Variants in ZCCHC7 observed in about 807,000 individuals in gnomAD.
ZCCHC7 encodes the protein zinc finger CCHC-type containing 7.
A neutral mutation model predicts 52.0 loss-of-function variants in ZCCHC7; 35 were observed. The observed-to-expected ratio is 0.67, with a 90% confidence interval of 0.51 to 0.89. ZCCHC7 has a LOEUF of 0.89. Among genes scored for constraint, ZCCHC7 ranks in the 40% least tolerant of loss-of-function variants. ZCCHC7 has a pLI of 0.00. For missense variants in ZCCHC7, 574 were observed against 649.1 expected (o/e 0.88, Z 1.26); for synonymous variants, 217 against 221.5 (o/e 0.98, Z 0.18).
chr9:37,257,389 TG>T (rs1826642263), intron 2 of ZCCHC7, among the ~76,000 whole-genome samples: 2 of 152,282 alleles, frequency 1.3e-5, no homozygotes, highest in South Asian at 4.1e-4. Flanking sequence ...CTTCCTATTT[TG>T]GGGTAGCATA....
At chr9:37,313,032 A>G (rs1829663268) in intron 5 of ZCCHC7, among the ~76,000 whole-genome samples, 1 of 152,202 alleles carries the variant, frequency 6.6e-6, no homozygotes. Context: ...CACTAGAATT[A>G]TATTATCGTG....
intron 2 of ZCCHC7, among the ~76,000 whole-genome samples, chr9:37,211,991 C>T (rs984871147): frequency 8.1e-6 from 1 of 123,438 alleles, no homozygotes; most frequent in African/African-American, 3.0e-5. Flanking sequence ...GGCGCCACTG[C>T]ACTCCAGCCT....
intron 5 of ZCCHC7, among the ~76,000 whole-genome samples, chr9:37,310,119 T>G (rs1829524546): frequency 2.6e-5 from 4 of 152,184 alleles, no homozygotes. Context: ...TGCTCATTGG[T>G]TAACTACTTC....
At chr9:37,206,985 T>A (rs1400359445) in intron 2 of ZCCHC7, among the ~76,000 whole-genome samples, 2 of 149,576 alleles carry the variant, frequency 1.3e-5, no homozygotes, top group African/African-American at 2.4e-5. Flanking sequence ...AAATCGTTGG[T>A]CATGGTGGTG....
At chr9:37,247,807 G>A (rs1181812001) in intron 2 of ZCCHC7, among the ~76,000 whole-genome samples, 1 of 152,002 alleles carries the variant, frequency 6.6e-6, no homozygotes, top group Non-Finnish European at 1.5e-5. Flanking sequence ...TCCCAACTAA[G>A]TAGTTCTCTG....
At chr9:37,339,342 A>G (rs1052594160) in intron 6 of ZCCHC7, among the ~76,000 whole-genome samples, 1 of 152,206 alleles carries the variant, frequency 6.6e-6, no homozygotes, top group Non-Finnish European at 1.5e-5. Context: ...CCTAGAGTTC[A>G]GGTCCCAGGT....
chr9:37,214,838 A>G (rs1411556020), intron 2 of ZCCHC7, among the ~76,000 whole-genome samples: 5 of 152,058 alleles, frequency 3.3e-5, no homozygotes, highest in African/African-American at 7.2e-5. Flanking sequence ...TTCAAGTCAT[A>G]TACTTTTTTG....
At chr9:37,150,966 G>GT (rs1316435254) in intron 2 of ZCCHC7, among the ~76,000 whole-genome samples, 2,006 of 130,498 alleles carry the variant, frequency 0.015, 28 homozygotes, top group African/African-American at 0.032. Flanking sequence ...GGGTTTTTTT[G>GT]TTTTTTTTTT....
intron 5 of ZCCHC7, among the ~76,000 whole-genome samples, chr9:37,309,012 T>C (rs1008294065): frequency 6.9e-6 from 1 of 145,918 alleles, no homozygotes; most frequent in Non-Finnish European, 1.5e-5. Context: ...CTGGGCAACA[T>C]AGTGAGAGCC....
intron 1 of ZCCHC7, among the ~76,000 whole-genome samples, 182 bp from the exon 2 acceptor site, chr9:37,126,130 G>A (rs892878590): frequency 6.6e-6 from 1 of 152,104 alleles, no homozygotes; most frequent in African/African-American, 2.4e-5. Context: ...GGGAGTGGTG[G>A]GACTTACAGG....
At chr9:37,268,418 A>G (rs77327272) in intron 2 of ZCCHC7, among the ~76,000 whole-genome samples, 2 of 151,090 alleles carry the variant, frequency 1.3e-5, no homozygotes, top group Admixed American at 1.3e-4. Context: ...AAAAAAAAAA[A>G]TAAGCAAAAT....
chr9:37,285,548 C>G (rs1021035960), intron 2 of ZCCHC7, among the ~76,000 whole-genome samples: 1 of 152,082 alleles, frequency 6.6e-6, no homozygotes, highest in African/African-American at 2.4e-5. Context: ...TCTAAGTATT[C>G]CATTTGGCCT....
At chr9:37,157,277 A>G (rs931251163) in intron 2 of ZCCHC7, among the ~76,000 whole-genome samples, 4 of 151,476 alleles carry the variant, frequency 2.6e-5, no homozygotes, top group Non-Finnish European at 5.9e-5. Context: ...AGGGAGGATG[A>G]CTTGAGCCCA....
chr9:37,219,760 G>A (rs1588501481), intron 2 of ZCCHC7, among the ~76,000 whole-genome samples: 1 of 152,326 alleles, frequency 6.6e-6, no homozygotes, highest in East Asian at 1.9e-4. Context: ...AGTTTAAATT[G>A]TGTAAGTCTA....
intron 3 of ZCCHC7, among the ~76,000 whole-genome samples, chr9:37,303,338 T>G (rs144486962): frequency 0.097 from 14,674 of 151,084 alleles, 942 homozygotes; most frequent in Middle Eastern, 0.17. Flanking sequence ...GGCAGGAGAA[T>G]CGCTTGAACC....
intron 5 of ZCCHC7, among the ~76,000 whole-genome samples, chr9:37,321,118 A>G (rs1171317418): frequency 6.7e-6 from 1 of 150,328 alleles, no homozygotes; most frequent in African/African-American, 2.4e-5. Context: ...CCTCCCAAGT[A>G]GCTGGGACTA....
At chr9:37,120,167 G>A (rs1005757631), upstream of ZCCHC7, among the ~76,000 whole-genome samples, 1 of 152,202 alleles carries the variant, frequency 6.6e-6, no homozygotes, top group Admixed American at 6.5e-5. Flanking sequence ...GCACTGAGAA[G>A]GCGTCCACCG....
chr9:37,202,588 C>T (rs966953773), intron 2 of ZCCHC7, among the ~76,000 whole-genome samples: 4 of 152,114 alleles, frequency 2.6e-5, no homozygotes, highest in African/African-American at 9.7e-5. Context: ...CTCAAGTGAT[C>T]CTCCTGCCTC....
chr9:37,270,559 G>A (rs1325038997), intron 2 of ZCCHC7, among the ~76,000 whole-genome samples: 1 of 151,734 alleles, frequency 6.6e-6, no homozygotes, highest in Non-Finnish European at 1.5e-5. Flanking sequence ...GCACATTTCT[G>A]TAATCCCAAC....
Sources: allele counts gnomAD v4.1 joint callset (sites outside exome capture counted in the v4.1 genomes callset), GRCh38; gene constraint gnomAD v4.1.1; transcripts MANE v1.5; gene names NCBI Gene and HGNC (gene_info 2026-07-23, HGNC 2026-07-21).